Variants in EPAS1 observed in about 807,000 individuals in gnomAD.
EPAS1 encodes endothelial PAS domain protein 1.
A neutral mutation model predicts 87.9 loss-of-function variants in EPAS1; 23 were observed. That is an observed-to-expected ratio of 0.26 (90% CI 0.19 to 0.37). The LOEUF is 0.37. EPAS1 is among the 10% of genes least tolerant of loss of function. The pLI is 1.00. For missense variants in EPAS1, 1,138 were observed against 1,120.7 expected, an observed-to-expected ratio of 1.02 and a Z score of -0.22; for synonymous variants, 508 against 444.3, an observed-to-expected ratio of 1.14 and a Z score of -1.80.
chr2:46,383,402 T>A (rs1684944797), intron 15 of EPAS1, among the ~76,000 whole-genome samples: 1 of 152,260 alleles, frequency 6.6e-6, no homozygotes, highest in African/African-American at 2.4e-5. Flanking sequence ...CATATATGTC[T>A]TCATGAGGTT....
At chr2:46,341,830 A>G (rs1459510837) in intron 1 of EPAS1, among the ~76,000 whole-genome samples, 1 of 152,260 alleles carries the variant, frequency 6.6e-6, no homozygotes. Context: ...ACACTGCATC[A>G]TTTAAGTGAG....
intron 1 of EPAS1, among the ~76,000 whole-genome samples, chr2:46,306,041 T>C (rs1683104151): frequency 6.6e-6 from 1 of 152,224 alleles, no homozygotes; most frequent in East Asian, 1.9e-4. Flanking sequence ...TGGCTTGTTA[T>C]GAATAAGAGG....
chr2:46,369,795 C>T (rs1283632575), intron 6 of EPAS1, 32 bp from the exon 7 acceptor site: 2 of 1,551,126 alleles, frequency 1.3e-6, no homozygotes, highest in Non-Finnish European at 8.9e-7. Context: ...TATGGTCTTT[C>T]TTCCTTACAT....
At chr2:46,331,420 T>C (rs1335554389) in intron 1 of EPAS1, among the ~76,000 whole-genome samples, 1 of 152,228 alleles carries the variant, frequency 6.6e-6, no homozygotes, top group African/African-American at 2.4e-5. Flanking sequence ...AATGCTAAAA[T>C]GCCAAGAAGT....
intron 6 of EPAS1, among the ~76,000 whole-genome samples, chr2:46,369,457 G>A (rs1684577001): frequency 1.3e-5 from 2 of 152,192 alleles, no homozygotes; most frequent in African/African-American, 2.4e-5. Context: ...CGAGCAAATT[G>A]TCTGCCCGTC....
At chr2:46,351,278 T>C (rs1684139472) in intron 2 of EPAS1, among the ~76,000 whole-genome samples, 1 of 152,214 alleles carries the variant, frequency 6.6e-6, no homozygotes. Context: ...AACAGGTGTT[T>C]GCTGAACCCA....
chr2:46,323,640 T>C (rs944893099), intron 1 of EPAS1, among the ~76,000 whole-genome samples: 1 of 152,202 alleles, frequency 6.6e-6, no homozygotes, highest in Non-Finnish European at 1.5e-5. Context: ...GCTCTCTGAG[T>C]CCCAAAGTCA....
In EPAS1 at chr2:46,375,616, A is replaced by G. The variant is rs965609624; in HGVS notation, c.887-74A>G. 3 of 1,552,498 alleles carry G rather than the reference A, an allele frequency of 1.9e-6. No individual in the cohort carries two copies. The highest frequency in any genetic ancestry group is 2.7e-5 in the African/African-American group (2 of 73,108). ...CCCCTGCAGATTAGACTGCCCTCCC[A>G]TGCGATCTGCTGAGCCTGTGGTGCA... On this transcript the variant is annotated intron_variant, in intron 7 of 15. Transcript: ENST00000263734. This position sits in a 1 kb window ranked among gnomAD's most constrained non-coding sequence, Gnocchi z 4.1.
chr2:46,358,004 G>A (rs1013830223), intron 4 of EPAS1, among the ~76,000 whole-genome samples: 1 of 152,194 alleles, frequency 6.6e-6, no homozygotes, highest in African/African-American at 2.4e-5. Context: ...GGGAGATTCT[G>A]TGCATGTCTA....
chr2:46,297,584 A>C lies in EPAS1; in HGVS notation c.-328A>C, dbSNP rs1682905055. 2.7e-6 allele frequency: 1 copy of C among 369,248 alleles called. No homozygotes were observed. Among genetic ancestry groups the C allele is most frequent in the Non-Finnish European group, 5.0e-6 (1 of 198,640 alleles). 22.9% of individuals were successfully genotyped at this position (369,248 alleles called of 1,614,324 possible). A position where few individuals can be genotyped will look rare whatever the true frequency, so the allele number is the denominator to read the frequency against. ...CACTTTTTTTTTTCTTTGAAAACTC[A>C]GAAAAGTGACTCCTTTTCCAGGGAA... On this transcript the variant is annotated 5_prime_UTR_variant, in exon 1 of 16. Transcript: ENST00000263734.
At chr2:46,381,465 G>A in intron 12 of EPAS1, 131 bp from the exon 13 acceptor site, 1 of 1,454,502 alleles carries the variant, frequency 6.9e-7, no homozygotes, top group Non-Finnish European at 9.6e-7. Context: ...CTGCCTCTGA[G>A]ACTCTGCCTT....
At chr2:46,299,145 T>C (rs980290326) in intron 1 of EPAS1, among the ~76,000 whole-genome samples, 10 of 152,228 alleles carry the variant, frequency 6.6e-5, no homozygotes, top group African/African-American at 1.9e-4. Context: ...TTTGCTCTTG[T>C]TCCAACTTCC....
In EPAS1 at chr2:46,356,082, T is replaced by C. The variant is rs77274708; in HGVS notation, c.218-69T>C. On this transcript the variant is annotated intron_variant, in intron 2 of 15. Coordinates refer to ENST00000263734, the MANE Select transcript of EPAS1 (RefSeq NM_001430.5). Reference sequence around the variant, plus strand: ...CTTTGCACCATCCCTGGCAAATGCCTATCTGTGCCAGTCCCATCTGTTTTC... The same window carrying C: ...CTTTGCACCATCCCTGGCAAATGCCCATCTGTGCCAGTCCCATCTGTTTTC... 4,424 of 1,520,850 alleles carry C rather than the reference T, an allele frequency of 2.9e-3. 128 individuals are homozygous for C. In the East Asian group the frequency reaches 0.044, roughly 15 times the overall value. 94.2% of individuals were successfully genotyped at this position (1,520,850 alleles called of 1,614,324 possible).
At chr2:46,335,301 T>G (rs1683766386) in intron 1 of EPAS1, among the ~76,000 whole-genome samples, 1 of 152,202 alleles carries the variant, frequency 6.6e-6, no homozygotes, top group South Asian at 2.1e-4. Context: ...GAAATTAAAG[T>G]GTCTGAAATA....
In EPAS1 at chr2:46,352,820, T is replaced by C. The variant is rs140172606; in HGVS notation, c.218-3331T>C. Among the ~76,000 whole-genome samples the C allele has an allele frequency of 1.8e-3, 275 of 152,348 alleles. 1 individual carries two copies. The highest frequency in any genetic ancestry group is 6.3e-3 in the African/African-American group (260 of 41,586). On this transcript the variant is annotated intron_variant, in intron 2 of 15. Transcript: ENST00000263734. Reference sequence around the variant, plus strand: ...TTGTGACCGCAGTCCCAAGACATTCTGTTACCCTTCGTGGCCCTAGATTGC... The same window carrying C: ...TTGTGACCGCAGTCCCAAGACATTCCGTTACCCTTCGTGGCCCTAGATTGC...
At chr2:46,311,617 G>T (rs537925736) in intron 1 of EPAS1, among the ~76,000 whole-genome samples, 1 of 152,248 alleles carries the variant, frequency 6.6e-6, no homozygotes, top group Non-Finnish European at 1.5e-5. Context: ...CCTGTGACTA[G>T]ATATCTGTTA....
chr2:46,380,300 G>C lies in EPAS1; in HGVS notation c.1628G>C (p.Ser543Thr). Residue 543 changes from serine (S) to threonine (T), a missense_variant, in exon 12 of 16, where the codon AGC becomes ACC. Transcript: ENST00000263734. This position sits in a 1 kb window ranked among gnomAD's most constrained non-coding sequence, Gnocchi z 4.4. ...IPMDGEDFQL[S>T]PICPEERLLA... ...ATGGACGGGGAAGACTTCCAGCTAAGCCCCATCTGCCCCGAGGAGCGGCTC... is the reference window on the plus strand; with the variant it reads ...ATGGACGGGGAAGACTTCCAGCTAACCCCCATCTGCCCCGAGGAGCGGCTC... 5.0e-6 allele frequency: 8 copies of C among 1,614,062 alleles called. No homozygotes were observed. The highest frequency in any genetic ancestry group is 5.1e-6 in the Non-Finnish European group (6 of 1,180,008).
intron 6 of EPAS1, among the ~76,000 whole-genome samples, chr2:46,363,990 T>C (rs1361336253): frequency 6.6e-6 from 1 of 152,260 alleles, no homozygotes; most frequent in Non-Finnish European, 1.5e-5. Flanking sequence ...CCCTAAGTGT[T>C]ATATCTTAAT....
intron 1 of EPAS1, among the ~76,000 whole-genome samples, chr2:46,340,551 T>A (rs1683891308): frequency 6.6e-6 from 1 of 152,152 alleles, no homozygotes; most frequent in South Asian, 2.1e-4. Context: ...TAGTGTGGAT[T>A]ATTAGTCTTA....
Sources: gnomAD v4.1 joint callset for allele counts (sites outside exome capture counted in the v4.1 genomes callset) on GRCh38, gnomAD v4.1.1 for gene constraint, Gnocchi (gnomAD v3.1) non-coding constraint, MANE v1.5 for transcripts, NCBI Gene and HGNC (gene_info 2026-07-23, HGNC 2026-07-21) for gene names.